The following GJA5 variants were observed in gnomAD, a reference collection of about 807,000 sequenced individuals.
The protein encoded by GJA5 is gap junction alpha-5 protein.
Under a neutral mutation model 7.9 loss-of-function variants are expected in GJA5, and 3 were observed. The observed-to-expected ratio is 0.38, with a 90% CI of 0.17 to 0.99. The LOEUF (loss-of-function observed/expected upper bound fraction) is 0.99, where lower values mean the gene tolerates loss of function less well. Among genes scored for constraint, GJA5 ranks in the 50% least tolerant of loss-of-function variants. The pLI, the probability that GJA5 is intolerant of heterozygous loss-of-function variation, is 0.38. For synonymous variants in GJA5, 193 were observed against 181.0 expected, an observed-to-expected ratio of 1.07 and a Z score of -0.53; for missense variants, 390 against 457.9, an observed-to-expected ratio of 0.85 and a Z score of 1.35.
upstream of GJA5, among the ~76,000 whole-genome samples, chr1:147,762,708 C>G (rs1324845569): frequency 1.3e-5 from 2 of 152,180 alleles, no homozygotes; most frequent in African/African-American, 4.8e-5. Context: ...AAAATAGCTA[C>G]CATGTACCAG....
chr1:147,766,065 A>G (rs587649644), intron 1 of GJA5, among the ~76,000 whole-genome samples: 68 of 152,220 alleles, frequency 4.5e-4, no homozygotes, highest in Non-Finnish European at 7.2e-4. Context: ...ATTTTACAAT[A>G]ATTTCTGTGT....
chr1:147,764,531 A>G (rs1403756025), upstream of GJA5, among the ~76,000 whole-genome samples: 1 of 152,086 alleles, frequency 6.6e-6, no homozygotes, highest in Admixed American at 6.6e-5. Flanking sequence ...TGTCTATTAA[A>G]TTAATAAAAT....
At chr1:147,761,198 C>T (rs781960627), upstream of GJA5, among the ~76,000 whole-genome samples, 2 of 152,194 alleles carry the variant, frequency 1.3e-5, no homozygotes, top group Admixed American at 6.5e-5. Context: ...GGATGACAAA[C>T]GTCTCGGAGG....
chr1:147,766,698 C>T (rs1444174391), intron 1 of GJA5, among the ~76,000 whole-genome samples: 5 of 152,186 alleles, frequency 3.3e-5, no homozygotes, highest in Non-Finnish European at 7.3e-5. Flanking sequence ...CAAGACCACT[C>T]CACAGAGTCT....
Position 147,758,979 on chromosome 1 carries a change from G to T in GJA5, c.260C>A (p.Thr87Lys). 6.2e-7 allele frequency: 1 copy of T among 1,614,202 alleles called. No individual in the cohort carries two copies. Among genetic ancestry groups the T allele is most frequent in the Middle Eastern group, 1.6e-4 (1 of 6,062 alleles). Residue 87 changes from threonine (T) to lysine (K), a missense_variant, in exon 2 of 2, where the codon ACG becomes AAG. Around this residue, in one of 2 missense-constraint regions of GJA5, gnomAD observed 354 missense variants for 370.9 expected, o/e 0.95. Coordinates refer to ENST00000579774, the MANE Select transcript of GJA5 (RefSeq NM_181703.4). ...YWVLQIIFVSTPSLVYMGHAM... is the reference protein window; with the variant it reads ...YWVLQIIFVSKPSLVYMGHAM... Reference sequence around the variant, plus strand: ...GTGGCCCATGTACACCAGAGAGGGCGTGGAGACGAAGATGATCTGCAGCAC... The same window carrying T: ...GTGGCCCATGTACACCAGAGAGGGCTTGGAGACGAAGATGATCTGCAGCAC...
chr1:147,770,128 G>A (rs1664343286), intron 1 of GJA5, among the ~76,000 whole-genome samples: 1 of 152,170 alleles, frequency 6.6e-6, no homozygotes, highest in Non-Finnish European at 1.5e-5. Flanking sequence ...CTGAATCATG[G>A]AGTTGCCAGG....
intron 1 of GJA5, among the ~76,000 whole-genome samples, chr1:147,766,302 T>G (rs1557948454): frequency 6.6e-6 from 1 of 152,140 alleles, no homozygotes; most frequent in Admixed American, 6.5e-5. Context: ...GGTATGTACT[T>G]TATAAAAACA....
intron 1 of GJA5, among the ~76,000 whole-genome samples, chr1:147,771,067 C>G (rs587711411): frequency 6.6e-6 from 1 of 152,230 alleles, no homozygotes; most frequent in East Asian, 1.9e-4. Context: ...CTTGGGTCTC[C>G]CTGTCCCTGA....
intron 1 of GJA5, among the ~76,000 whole-genome samples, chr1:147,770,852 C>G (rs1295201628): frequency 6.6e-6 from 1 of 152,158 alleles, no homozygotes; most frequent in African/African-American, 2.4e-5. Context: ...CTGGCATCAC[C>G]AGGAGCCAGC....
intron 1 of GJA5, among the ~76,000 whole-genome samples, chr1:147,768,740 T>A (rs773270528): frequency 2.8e-4 from 43 of 152,292 alleles, no homozygotes; most frequent in Admixed American, 4.6e-4. Flanking sequence ...TTTCTAACCC[T>A]CCCATTAACA....
intron 1 of GJA5, among the ~76,000 whole-genome samples, chr1:147,766,480 G>A (rs946421332): frequency 1.3e-5 from 2 of 152,116 alleles, no homozygotes; most frequent in African/African-American, 4.8e-5. Flanking sequence ...TGGGAAGCTG[G>A]CATAGGGACA....
chr1:147,757,977 C>A lies in GJA5; in HGVS notation c.*185G>T. 1.6e-6 allele frequency: 1 copy of A among 615,246 alleles called. No homozygotes were observed. The highest frequency in any genetic ancestry group is 2.8e-5 in the East Asian group (1 of 36,244). 38.1% of individuals were successfully genotyped at this position (615,246 alleles called of 1,614,324 possible). On this transcript the variant is annotated 3_prime_UTR_variant, in exon 2 of 2. Transcript: ENST00000579774. ...GAACTGCAGTCTGGGTGGGTTGTCA[C>A]CTCTCTTACTATCCCAGAGCCCTGG...
upstream of GJA5, among the ~76,000 whole-genome samples, chr1:147,765,539 T>C (rs1468930880): frequency 6.6e-6 from 1 of 151,446 alleles, no homozygotes; most frequent in Non-Finnish European, 1.5e-5. Flanking sequence ...GATGGAGGAG[T>C]TGCAGAAGAG....
chr1:147,764,730 A>G (rs952383598), upstream of GJA5, among the ~76,000 whole-genome samples: 1 of 150,416 alleles, frequency 6.6e-6, no homozygotes, highest in Non-Finnish European at 1.5e-5. Flanking sequence ...AGGCTGAGGC[A>G]GGAGAGTTGC....
chr1:147,766,204 C>A (rs1314984176), intron 1 of GJA5, among the ~76,000 whole-genome samples: 3 of 152,118 alleles, frequency 2.0e-5, no homozygotes, highest in African/African-American at 7.2e-5. Flanking sequence ...TGAAGACAAA[C>A]TGCTTTTCTG....
At chr1:147,772,320 G>C (rs1664437019) in intron 1 of GJA5, among the ~76,000 whole-genome samples, 1 of 152,184 alleles carries the variant, frequency 6.6e-6, no homozygotes, top group Non-Finnish European at 1.5e-5. Context: ...AGAGCAGGAT[G>C]AGAAATTCTT....
At chr1:147,770,464 C>T (rs1216171444) in intron 1 of GJA5, among the ~76,000 whole-genome samples, 1 of 152,072 alleles carries the variant, frequency 6.6e-6, no homozygotes, top group African/African-American at 2.4e-5. Context: ...CATAAAAAAC[C>T]AGCAATACCT....
chr1:147,766,579 A>G (rs1407838798), intron 1 of GJA5, among the ~76,000 whole-genome samples: 1 of 152,120 alleles, frequency 6.6e-6, no homozygotes, highest in Admixed American at 6.5e-5. Context: ...TTCTCTCAGC[A>G]GGAATGAATG....
At chr1:147,764,554 G>T (rs1251052575), upstream of GJA5, among the ~76,000 whole-genome samples, 6 of 152,150 alleles carry the variant, frequency 3.9e-5, no homozygotes, top group Non-Finnish European at 8.8e-5. Flanking sequence ...GCCGGGTGTG[G>T]TAGCTCATGC....
Sources: gnomAD v4.1 joint callset for allele counts (sites outside exome capture counted in the v4.1 genomes callset) on GRCh38, gnomAD v4.1.1 for gene constraint, gnomAD v4.1.1 regional missense constraint, MANE v1.5 for transcripts, NCBI Gene and HGNC (gene_info 2026-07-23, HGNC 2026-07-21) for gene names.